TENM1: variants seen among roughly 807,000 people sequenced by gnomAD.
TENM1 encodes the protein teneurin transmembrane protein 1, also known as teneurin-1.
In TENM1, 35 loss-of-function variants were observed where a neutral mutation model predicts 174.8. The ratio of observed to expected loss-of-function variants is 0.20; its 90% CI spans 0.15 to 0.27. TENM1 has a LOEUF of 0.27. TENM1 is among the 10% of genes least tolerant of loss of function. TENM1 has a pLI of 1.00. For synonymous variants in TENM1, 781 were observed against 798.7 expected (o/e 0.98, Z 0.37); for missense variants, 1,633 against 2,130.1 (o/e 0.77, Z 4.59).
At chrX:124,691,523 T>A (rs1167383321) in intron 5 of TENM1, among the ~76,000 whole-genome samples, 1 of 112,201 alleles carries the variant, frequency 8.9e-6, no homozygotes, top group East Asian at 2.8e-4. Flanking sequence ...AACACGTTCA[T>A]ACATTGCTGG....
the TENM1 span, among the ~76,000 whole-genome samples, chrX:125,093,341 A>AG: frequency 4.5e-5 from 5 of 111,576 alleles, no homozygotes; most frequent in Admixed American, 1.9e-4. Flanking sequence ...TAAGTCCCAG[A>AG]GGCAGCCATT....
exon 1 of TENM1, chrX:124,963,732 G>T (rs772212770): frequency 8.3e-7 from 1 of 1,211,121 alleles, no homozygotes; most frequent in South Asian, 1.8e-5. Flanking sequence ...GGCTGGTAGG[G>T]TTTGCAGTCA....
chrX:124,709,508 G>C (rs751422148), intron 4 of TENM1, among the ~76,000 whole-genome samples: 110 of 109,176 alleles, frequency 1.0e-3, no homozygotes, highest in Non-Finnish European at 1.7e-3. Flanking sequence ...GATGGCTACA[G>C]AATCACAGAG....
chrX:124,495,318 G>C (rs2047172531), intron 20 of TENM1, among the ~76,000 whole-genome samples: 1 of 109,780 alleles, frequency 9.1e-6, no homozygotes. Context: ...CTTCTTTTGA[G>C]AGGTGTCTGT....
At chrX:125,105,042 A>G in the TENM1 span, among the ~76,000 whole-genome samples, 3 of 112,145 alleles carry the variant, frequency 2.7e-5, no homozygotes, top group Non-Finnish European at 5.6e-5. Flanking sequence ...GTCATTTTCT[A>G]TGGTCCTCAG....
intron 5 of TENM1, among the ~76,000 whole-genome samples, chrX:124,684,399 G>C (rs964028399): frequency 2.7e-5 from 3 of 112,759 alleles, no homozygotes; most frequent in African/African-American, 9.7e-5. Flanking sequence ...GGCTTACACA[G>C]CACAGTGTGG....
the TENM1 span, among the ~76,000 whole-genome samples, chrX:125,187,130 G>A: frequency 1.8e-5 from 2 of 111,908 alleles, no homozygotes; most frequent in Non-Finnish European, 3.8e-5. Context: ...GCATGGTGGT[G>A]GGTGCCTGTA....
intron 5 of TENM1, among the ~76,000 whole-genome samples, chrX:124,683,202 G>A (rs1226473937): frequency 9.0e-6 from 1 of 111,637 alleles, no homozygotes; most frequent in Non-Finnish European, 1.9e-5. Flanking sequence ...TCATTTTACA[G>A]AAGAGGAAAA....
At chrX:124,792,190 C>T (rs1266828120) in intron 3 of TENM1, among the ~76,000 whole-genome samples, 1 of 111,705 alleles carries the variant, frequency 9.0e-6, no homozygotes, top group Non-Finnish European at 1.9e-5. Flanking sequence ...TTCCTTGATA[C>T]ATTTTTTATT....
chrX:124,405,923 T>C (rs1158881912), intron 26 of TENM1, among the ~76,000 whole-genome samples: 1 of 106,726 alleles, frequency 9.4e-6, no homozygotes, highest in Non-Finnish European at 1.9e-5. Flanking sequence ...TCTTGCTTGG[T>C]CTGTATCCTA....
intron 11 of TENM1, among the ~76,000 whole-genome samples, chrX:124,621,430 G>A (rs1174514514): frequency 2.7e-5 from 3 of 111,781 alleles, no homozygotes; most frequent in Non-Finnish European, 5.6e-5. Flanking sequence ...CTGAGATCAC[G>A]CCACTGCATT....
chrX:125,152,436 A>G, the TENM1 span, among the ~76,000 whole-genome samples: 4 of 111,926 alleles, frequency 3.6e-5, no homozygotes, highest in Non-Finnish European at 5.6e-5. Flanking sequence ...AATTATAGAA[A>G]TTTTGTTAAT....
At chrX:124,963,844 C>T (rs775239176), upstream of TENM1, 24 of 736,509 alleles carry the variant, frequency 3.3e-5, no homozygotes, top group Non-Finnish European at 4.9e-5. Context: ...AAAACACAAG[C>T]CTTCTTAGAT....
At chrX:125,153,843 C>T in the TENM1 span, among the ~76,000 whole-genome samples, 1 of 112,426 alleles carries the variant, frequency 8.9e-6, no homozygotes, top group Non-Finnish European at 1.9e-5. Flanking sequence ...ACAGAAATCT[C>T]TTACATAGGA....
intron 23 of TENM1, among the ~76,000 whole-genome samples, chrX:124,432,463 C>A (rs1306894282): frequency 8.9e-6 from 1 of 111,924 alleles, no homozygotes; most frequent in Non-Finnish European, 1.9e-5. Context: ...GGCTGGCGTG[C>A]AGTGGCATGA....
intron 21 of TENM1, among the ~76,000 whole-genome samples, chrX:124,486,320 T>C (rs1292410204): frequency 8.9e-6 from 1 of 112,530 alleles, no homozygotes; most frequent in Non-Finnish European, 1.9e-5. Context: ...TTCATACTAG[T>C]TAAAAATCAC....
the TENM1 span, among the ~76,000 whole-genome samples, chrX:125,139,462 C>A: frequency 9.0e-6 from 1 of 111,470 alleles, no homozygotes; most frequent in Non-Finnish European, 1.9e-5. Flanking sequence ...GGGGTGGTGT[C>A]TAGAAGCAAA....
chrX:124,429,114 T>G (rs1342295718), intron 23 of TENM1, among the ~76,000 whole-genome samples: 1 of 111,819 alleles, frequency 8.9e-6, no homozygotes, highest in East Asian at 2.8e-4. Flanking sequence ...CTCTCAGATA[T>G]GTGCTTTTAG....
intron 7 of TENM1, among the ~76,000 whole-genome samples, chrX:124,652,503 A>G (rs1012406016): frequency 8.9e-6 from 1 of 112,272 alleles, no homozygotes; most frequent in African/African-American, 3.2e-5. Flanking sequence ...AGTATTCAAA[A>G]TAATTGTTTA....
Sources: gnomAD v4.1 joint callset for allele counts (sites outside exome capture counted in the v4.1 genomes callset) on GRCh38, gnomAD v4.1.1 for gene constraint, MANE v1.5 for transcripts, NCBI Gene and HGNC (gene_info 2026-07-23, HGNC 2026-07-21) for gene names.